SCN8A: variants seen among roughly 807,000 people sequenced by gnomAD.
SCN8A encodes sodium channel protein type 8 subunit alpha.
In SCN8A, 30 loss-of-function variants were observed where a neutral mutation model predicts 184.1. That is an observed-to-expected ratio of 0.16 (90% CI 0.12 to 0.22). The LOEUF (loss-of-function observed/expected upper bound fraction) is 0.22. Among genes scored for constraint, SCN8A ranks in the 10% least tolerant of loss-of-function variants. The pLI is 1.00. For synonymous variants in SCN8A, 852 were observed against 907.0 expected, an observed-to-expected ratio of 0.94 and a Z score of 1.09; for missense variants, 1,057 against 2,498.9, an observed-to-expected ratio of 0.42 and a Z score of 12.30.
chr12:51,645,209 G>C (rs1940549235), intron 1 of SCN8A, among the ~76,000 whole-genome samples: 4 of 149,404 alleles, frequency 2.7e-5, no homozygotes, highest in African/African-American at 7.4e-5. Flanking sequence ...GAGGTGGGGG[G>C]GTCAGCCCCC....
intron 2 of SCN8A, among the ~76,000 whole-genome samples, chr12:51,681,773 C>T (rs185657180): frequency 5.9e-5 from 9 of 151,988 alleles, no homozygotes; most frequent in East Asian, 1.9e-4. Flanking sequence ...AAGAGAATGA[C>T]GTGACTCTGG....
Position 51,613,840 on chromosome 12 carries a change from T to C in SCN8A, c.-55+22481T>C, listed in dbSNP as rs535997580. On this transcript the variant is annotated intron_variant, in intron 1 of 26. Transcript: ENST00000627620. The stretch of plus-strand genomic sequence containing the variant: ...GTGGATTATTTAGAAGTATGTTGTT[T>C]GGAGTGTTGGGAGATTTGTCAGTGT... Among the ~76,000 whole-genome samples the C allele has an allele frequency of 4.6e-5, 7 of 152,278 alleles. No individual in the cohort carries two copies. The South Asian group carries it at 1.5e-3, about 32-fold the overall frequency.
intron 5 of SCN8A, among the ~76,000 whole-genome samples, chr12:51,688,259 G>C (rs1054767019): frequency 6.6e-6 from 1 of 152,166 alleles, no homozygotes; most frequent in Non-Finnish European, 1.5e-5. Context: ...CCAAAACTTC[G>C]TTTATAGACA....
chr12:51,686,563 G>C (rs1205095839), intron 4 of SCN8A, 106 bp downstream of exon 4: 1 of 718,710 alleles, frequency 1.4e-6, no homozygotes, highest in East Asian at 2.7e-5. Context: ...ATTAGTTATT[G>C]CCTCTCTTTA....
intron 1 of SCN8A, among the ~76,000 whole-genome samples, chr12:51,616,714 G>A (rs897103394): frequency 6.6e-6 from 1 of 151,954 alleles, no homozygotes; most frequent in Admixed American, 6.6e-5. Context: ...GAGCCCAGGA[G>A]TTTGAGACAG....
At chr12:51,679,503 T>C (rs912057165) in intron 2 of SCN8A, among the ~76,000 whole-genome samples, 5 of 152,364 alleles carry the variant, frequency 3.3e-5, no homozygotes, top group African/African-American at 1.2e-4. Flanking sequence ...ATGTTGTCTA[T>C]GGCTACTTTT....
At chr12:51,640,777 G>T (rs1303876096) in intron 1 of SCN8A, among the ~76,000 whole-genome samples, 1 of 152,174 alleles carries the variant, frequency 6.6e-6, no homozygotes, top group Non-Finnish European at 1.5e-5. Context: ...ACCAGCCAAG[G>T]TTACTGTACC....
intron 12 of SCN8A, among the ~76,000 whole-genome samples, chr12:51,724,938 G>C (rs549445633): frequency 6.6e-6 from 1 of 152,226 alleles, no homozygotes; most frequent in East Asian, 1.9e-4. Flanking sequence ...GGAATGTAAG[G>C]CTTTCTGTAC....
intron 1 of SCN8A, among the ~76,000 whole-genome samples, chr12:51,631,244 C>T (rs971543836): frequency 2.6e-5 from 4 of 152,174 alleles, no homozygotes; most frequent in Non-Finnish European, 4.4e-5. Context: ...TGCTCAGAGG[C>T]TGGCTTCCTC....
intron 20 of SCN8A, 84 bp from the exon 21 acceptor site, chr12:51,780,565 C>CTTTTCTTTTTTTTTTTTTTTTTTTTTT (rs1937873541): frequency 6.8e-6 from 2 of 293,008 alleles, no homozygotes; most frequent in African/African-American, 2.7e-4. Context: ...TGTTTTCTTT[C>CTTTTCTTTTTTTTTTTTTTTTTTTTTT]TTTTTTTTTT....
intron 12 of SCN8A, among the ~76,000 whole-genome samples, chr12:51,725,792 T>C (rs1021696027): frequency 1.3e-5 from 2 of 152,236 alleles, no homozygotes; most frequent in Non-Finnish European, 2.9e-5. Flanking sequence ...TTAATATCTC[T>C]TAAATTAACT....
At chr12:51,664,525 A>G (rs1309227083) in intron 2 of SCN8A, among the ~76,000 whole-genome samples, 1 of 151,910 alleles carries the variant, frequency 6.6e-6, no homozygotes, top group African/African-American at 2.4e-5. Flanking sequence ...TTACATTTTT[A>G]TTTTTTAGTA....
intron 2 of SCN8A, among the ~76,000 whole-genome samples, chr12:51,672,014 C>T (rs1169944177): frequency 6.6e-6 from 1 of 152,132 alleles, no homozygotes; most frequent in Non-Finnish European, 1.5e-5. Context: ...TGTCTTTGAC[C>T]CTGTGCCTTT....
chr12:51,742,821 G>A (rs1942449328), intron 12 of SCN8A, among the ~76,000 whole-genome samples: 1 of 151,970 alleles, frequency 6.6e-6, no homozygotes, highest in African/African-American at 2.4e-5. Flanking sequence ...CCTTTTTAAG[G>A]CCAATAACTC....
At chr12:51,755,895 C>G (rs1942666109) in intron 14 of SCN8A, among the ~76,000 whole-genome samples, 2 of 152,160 alleles carry the variant, frequency 1.3e-5, no homozygotes, top group Admixed American at 1.3e-4. Flanking sequence ...CAAAAAGCCA[C>G]TGTTACCTTT....
intron 12 of SCN8A, among the ~76,000 whole-genome samples, chr12:51,731,021 ATGT>A (rs1404997973): frequency 1.3e-5 from 2 of 152,240 alleles, no homozygotes; most frequent in Admixed American, 1.3e-4. Flanking sequence ...AGTTCTATCC[ATGT>A]TGTTGTAAAT....
chr12:51,703,705 G>A (rs1941730502), intron 9 of SCN8A, among the ~76,000 whole-genome samples: 1 of 152,196 alleles, frequency 6.6e-6, no homozygotes, highest in African/African-American at 2.4e-5. Context: ...TTTTATGACA[G>A]TCCATTGTTT....
chr12:51,606,574 CT>C (rs1251342221), intron 1 of SCN8A, among the ~76,000 whole-genome samples: 1 of 152,088 alleles, frequency 6.6e-6, no homozygotes, highest in Non-Finnish European at 1.5e-5. Flanking sequence ...TATGTGGGCT[CT>C]TTTTTGGTTC....
chr12:51,806,208 T>C lies in SCN8A; in HGVS notation c.4796-74T>C. 2 of 1,370,562 alleles carry C rather than the reference T, an allele frequency of 1.5e-6. No individual in the cohort carries two copies. Among genetic ancestry groups the C allele is most frequent in the Non-Finnish European group, 2.0e-6 (2 of 1,015,306 alleles). 84.9% of individuals were successfully genotyped at this position (1,370,562 alleles called of 1,614,324 possible). A position where few individuals can be genotyped will look rare whatever the true frequency, so the allele number is the denominator to read the frequency against. On this transcript the variant is annotated intron_variant, in intron 26 of 26. Coordinates refer to ENST00000627620, the MANE Select transcript of SCN8A (RefSeq NM_001330260.2). This position sits in a 1 kb window ranked among gnomAD's most constrained non-coding sequence, Gnocchi z 8.7. ...CCCTTTGAACCTAAGGGTTCCACAATGCCAGGTAAAAAAAATAAAGAGAAA... is the reference window on the plus strand; with the variant it reads ...CCCTTTGAACCTAAGGGTTCCACAACGCCAGGTAAAAAAAATAAAGAGAAA...
Sources: gnomAD v4.1 joint callset for allele counts (sites outside exome capture counted in the v4.1 genomes callset) on GRCh38, gnomAD v4.1.1 for gene constraint, Gnocchi (gnomAD v3.1) non-coding constraint, MANE v1.5 for transcripts, NCBI Gene and HGNC (gene_info 2026-07-23, HGNC 2026-07-21) for gene names.